The following PRR16 variants were observed in gnomAD, a reference collection of about 807,000 sequenced individuals.
PRR16 encodes the protein protein Largen.
A neutral mutation model predicts 18.2 loss-of-function variants in PRR16; 6 were observed. That is an observed-to-expected ratio of 0.33 (90% CI 0.18 to 0.65). PRR16 has a LOEUF of 0.65. Among genes scored for constraint, PRR16 ranks in the 30% least tolerant of loss-of-function variants. PRR16 has a pLI of 0.74. For missense variants in PRR16, 412 were observed against 376.6 expected, an observed-to-expected ratio of 1.09 and a Z score of -0.78; for synonymous variants, 151 against 147.8, an observed-to-expected ratio of 1.02 and a Z score of -0.16.
chr5:120,497,434 G>T (rs1263530459), intron 1 of PRR16, among the ~76,000 whole-genome samples: 2 of 117,232 alleles, frequency 1.7e-5, no homozygotes, highest in Non-Finnish European at 3.2e-5. Context: ...GCTATCACCT[G>T]AGCTGGAGTG....
At chr5:120,780,691 T>C in the PRR16 span, among the ~76,000 whole-genome samples, 1 of 152,126 alleles carries the variant, frequency 6.6e-6, no homozygotes, top group Non-Finnish European at 1.5e-5. Flanking sequence ...TATCGAATAA[T>C]TGTATAAGGA....
At chr5:120,775,216 G>A in the PRR16 span, among the ~76,000 whole-genome samples, 1 of 152,100 alleles carries the variant, frequency 6.6e-6, no homozygotes, top group African/African-American at 2.4e-5. Flanking sequence ...CATATTATTT[G>A]TGATACACAT....
intron 1 of PRR16, among the ~76,000 whole-genome samples, chr5:120,547,216 C>T (rs1020054354): frequency 1.3e-5 from 2 of 151,872 alleles, no homozygotes; most frequent in African/African-American, 2.4e-5. Flanking sequence ...TGCTCAGAAC[C>T]AGAAAAAAAG....
At chr5:120,787,348 G>A in the PRR16 span, among the ~76,000 whole-genome samples, 1 of 152,090 alleles carries the variant, frequency 6.6e-6, no homozygotes. Flanking sequence ...ATCAAATGTG[G>A]TATCTCATAC....
intron 1 of PRR16, among the ~76,000 whole-genome samples, chr5:120,586,861 T>G (rs1048260080): frequency 3.3e-5 from 5 of 152,272 alleles, no homozygotes; most frequent in African/African-American, 1.2e-4. Flanking sequence ...TGGAAATGAT[T>G]AAACTTAGTG....
At chr5:120,482,979 G>T (rs1380797782) in intron 1 of PRR16, among the ~76,000 whole-genome samples, 1 of 152,102 alleles carries the variant, frequency 6.6e-6, no homozygotes, top group Non-Finnish European at 1.5e-5. Flanking sequence ...CATTATTTTA[G>T]AATTCAACTA....
chr5:120,765,362 T>TAACA, the PRR16 span, among the ~76,000 whole-genome samples: 4 of 152,012 alleles, frequency 2.6e-5, no homozygotes, highest in Admixed American at 2.6e-4. Context: ...CGTGTATAAA[T>TAACA]AACAGTTGTT....
At chr5:120,626,033 C>G (rs541519620) in intron 1 of PRR16, among the ~76,000 whole-genome samples, 3 of 152,206 alleles carry the variant, frequency 2.0e-5, no homozygotes, top group South Asian at 2.1e-4. Context: ...AATTCAGTCT[C>G]TCTTGGAAAC....
At chr5:120,715,291 A>T in the PRR16 span, among the ~76,000 whole-genome samples, 1 of 152,260 alleles carries the variant, frequency 6.6e-6, no homozygotes, top group Admixed American at 6.5e-5. Context: ...TAATTACTGG[A>T]CTTTATTATG....
At chr5:120,547,883 G>A (rs1021189863) in intron 1 of PRR16, among the ~76,000 whole-genome samples, 3 of 151,902 alleles carry the variant, frequency 2.0e-5, no homozygotes, top group Non-Finnish European at 4.4e-5. Context: ...CACCCATACA[G>A]GCAGTAGATG....
At chr5:120,506,968 A>C (rs1375195104) in intron 1 of PRR16, among the ~76,000 whole-genome samples, 1 of 152,130 alleles carries the variant, frequency 6.6e-6, no homozygotes, top group Non-Finnish European at 1.5e-5. Context: ...CAATAGAAGA[A>C]GGCAAGGCAA....
chr5:120,776,144 C>T, the PRR16 span, among the ~76,000 whole-genome samples: 3 of 152,034 alleles, frequency 2.0e-5, no homozygotes, highest in Non-Finnish European at 4.4e-5. Flanking sequence ...ATTGATTTCT[C>T]GTCATCATTG....
At chr5:120,523,227 G>C (rs1348500537) in intron 1 of PRR16, among the ~76,000 whole-genome samples, 1 of 152,088 alleles carries the variant, frequency 6.6e-6, no homozygotes, top group Non-Finnish European at 1.5e-5. Flanking sequence ...TTGCGGTTCT[G>C]ATCTAATTTT....
At chr5:120,737,144 T>G in the PRR16 span, among the ~76,000 whole-genome samples, 3 of 152,158 alleles carry the variant, frequency 2.0e-5, no homozygotes, top group Non-Finnish European at 4.4e-5. Flanking sequence ...AGACTTCCAG[T>G]ACTATGCTGA....
At chr5:120,711,104 T>C in the PRR16 span, among the ~76,000 whole-genome samples, 1 of 152,196 alleles carries the variant, frequency 6.6e-6, no homozygotes, top group Admixed American at 6.5e-5. Flanking sequence ...TAAAATTCTT[T>C]TGTTATATTG....
intron 1 of PRR16, among the ~76,000 whole-genome samples, chr5:120,669,498 T>C (rs1756520582): frequency 6.6e-6 from 1 of 152,112 alleles, no homozygotes; most frequent in Admixed American, 6.6e-5. Context: ...TAGGTAGATA[T>C]TACAAATTAC....
intron 1 of PRR16, among the ~76,000 whole-genome samples, chr5:120,499,449 G>C (rs1750374413): frequency 6.6e-6 from 1 of 152,008 alleles, no homozygotes; most frequent in African/African-American, 2.4e-5. Flanking sequence ...TTTCAGGCTA[G>C]TTTCTCTCTG....
At chr5:120,544,516 G>A (rs1215315352) in intron 1 of PRR16, among the ~76,000 whole-genome samples, 2 of 152,114 alleles carry the variant, frequency 1.3e-5, no homozygotes, top group Admixed American at 6.6e-5. Flanking sequence ...GTATGCATGT[G>A]TGTATATGTA....
At chr5:120,793,452 G>A in the PRR16 span, among the ~76,000 whole-genome samples, 2 of 152,154 alleles carry the variant, frequency 1.3e-5, no homozygotes, top group African/African-American at 2.4e-5. Flanking sequence ...GGTGACTAGT[G>A]GATAAAAAGG....
Sources: allele counts gnomAD v4.1 joint callset (sites outside exome capture counted in the v4.1 genomes callset), GRCh38; gene constraint gnomAD v4.1.1; transcripts MANE v1.5; gene names NCBI Gene and HGNC (gene_info 2026-07-23, HGNC 2026-07-21).